PITPNM2: variants seen among roughly 807,000 people sequenced by gnomAD.
PITPNM2 encodes the protein phosphatidylinositol transfer protein membrane associated 2.
In PITPNM2, 35 loss-of-function variants were observed where a neutral mutation model predicts 132.2. The observed-to-expected ratio is 0.26, with a 90% CI of 0.20 to 0.35. PITPNM2 has a LOEUF of 0.35. Ranked by LOEUF, PITPNM2 falls within the 10% of genes least tolerant of loss-of-function variation. PITPNM2 has a pLI of 1.00. For synonymous variants in PITPNM2, 738 were observed against 799.2 expected, an observed-to-expected ratio of 0.92 and a Z score of 1.29; for missense variants, 1,332 against 1,912.0, an observed-to-expected ratio of 0.70 and a Z score of 5.66.
At chr12:122,996,978 G>A (rs1212237874) in intron 11 of PITPNM2, 68 bp from the exon 12 acceptor site, 1 of 1,389,192 alleles carries the variant, frequency 7.2e-7, no homozygotes, top group Non-Finnish European at 9.7e-7. Context: ...CCTCTCCCCT[G>A]ACCTGAGTCT....
At chr12:123,019,506 C>G (rs1233737921) in intron 3 of PITPNM2, among the ~76,000 whole-genome samples, 1 of 152,382 alleles carries the variant, frequency 6.6e-6, no homozygotes, top group Middle Eastern at 3.4e-3. Flanking sequence ...TGCCACTCAG[C>G]CATCTCCCTG....
chr12:122,995,671 C>A lies in PITPNM2; in HGVS notation c.1783-11G>T. 6.4e-7 allele frequency: 1 copy of A among 1,574,668 alleles called. No homozygotes were observed. The highest frequency in any genetic ancestry group is 8.6e-7 in the Non-Finnish European group (1 of 1,163,558). ...CAGCAGGTCATTGTCCTGGAACGGC[C>A]CCGTGGAGGCTCACTGCCAGGTGGC... On this transcript the variant is annotated splice_polypyrimidine_tract_variant and intron_variant, in intron 13 of 25. Transcript: ENST00000320201.
At chr12:123,027,525 T>C (rs1261117441) in intron 3 of PITPNM2, among the ~76,000 whole-genome samples, 6 of 152,208 alleles carry the variant, frequency 3.9e-5, no homozygotes, top group African/African-American at 1.4e-4. Flanking sequence ...TTCCTTGATA[T>C]CTCTGAGCCT....
In PITPNM2 at chr12:123,077,732, C is replaced by A. The variant is rs988414418; in HGVS notation, c.-96+32653G>T. The stretch of plus-strand genomic sequence containing the variant: ...AAGCAGCCCGCGTGACCAGACAGAG[C>A]CTTCCTTGCTAATAAACCCATCCTG... On this transcript the variant is annotated intron_variant, in intron 2 of 25. Coordinates refer to ENST00000320201, the MANE Select transcript of PITPNM2 (RefSeq NM_020845.3). This position sits in a 1 kb window ranked among gnomAD's most constrained non-coding sequence, Gnocchi z 4.8. Among the ~76,000 whole-genome samples the A allele has an allele frequency of 2.0e-5, 3 of 152,198 alleles. No individual in the cohort carries two copies. Among genetic ancestry groups the A allele is most frequent in the African/African-American group, 4.8e-5 (2 of 41,450 alleles).
chr12:123,139,284 A>G (rs1203326704), intron 1 of PITPNM2, among the ~76,000 whole-genome samples: 1 of 152,110 alleles, frequency 6.6e-6, no homozygotes, highest in Non-Finnish European at 1.5e-5. Flanking sequence ...GCGGATCACA[A>G]GGTCAGGAGA....
intron 2 of PITPNM2, among the ~76,000 whole-genome samples, chr12:123,045,845 C>T (rs2136587654): frequency 6.6e-6 from 1 of 152,280 alleles, no homozygotes; most frequent in Admixed American, 6.5e-5. Context: ...TCCTTAAGCC[C>T]ACCCTACTCA....
chr12:123,066,281 C>T (rs992003740), intron 2 of PITPNM2, among the ~76,000 whole-genome samples: 1 of 152,020 alleles, frequency 6.6e-6, no homozygotes, highest in African/African-American at 2.4e-5. Flanking sequence ...GAGGGCCTGA[C>T]GAGGGGTAGA....
chr12:123,108,250 C>T lies in PITPNM2; in HGVS notation c.-96+2135G>A, dbSNP rs2042761927. On this transcript the variant is annotated intron_variant, in intron 2 of 25. Transcript: ENST00000320201. This position sits in a 1 kb window ranked among gnomAD's most constrained non-coding sequence, Gnocchi z 4.4. ...ACAAATGAGTGGAGCAGAACAATTCCTGAAGACATTTTAGGTCTAAGTGAA... is the reference window on the plus strand; with the variant it reads ...ACAAATGAGTGGAGCAGAACAATTCTTGAAGACATTTTAGGTCTAAGTGAA... Among the ~76,000 whole-genome samples, 1 of 152,150 alleles carries T rather than the reference C, an allele frequency of 6.6e-6. No individual in the cohort carries two copies. The highest frequency in any genetic ancestry group is 2.4e-5 in the African/African-American group (1 of 41,420).
At chr12:123,134,824 G>A (rs2043341640) in intron 1 of PITPNM2, among the ~76,000 whole-genome samples, 1 of 152,136 alleles carries the variant, frequency 6.6e-6, no homozygotes, top group South Asian at 2.1e-4. Context: ...ATGGGACCTT[G>A]AGGAAATAAG....
chr12:123,147,958 A>C (rs1356099850), intron 1 of PITPNM2, among the ~76,000 whole-genome samples: 6 of 152,346 alleles, frequency 3.9e-5, no homozygotes, highest in Admixed American at 2.6e-4. Context: ...CAAAGGAGAA[A>C]GCAACCTAGT....
chr12:123,104,935 T>C (rs2042667577), intron 2 of PITPNM2, among the ~76,000 whole-genome samples: 1 of 152,126 alleles, frequency 6.6e-6, no homozygotes, highest in African/African-American at 2.4e-5. Context: ...TGCTCAAACA[T>C]TTCCGAAGCT....
At chr12:123,028,073 C>T (rs533162975) in intron 3 of PITPNM2, among the ~76,000 whole-genome samples, 4 of 152,322 alleles carry the variant, frequency 2.6e-5, no homozygotes, top group East Asian at 1.9e-4. Context: ...CAGGGGCTAA[C>T]GAAGGAGTTG....
chr12:123,100,558 G>A (rs1183658034), intron 2 of PITPNM2, among the ~76,000 whole-genome samples: 1 of 152,026 alleles, frequency 6.6e-6, no homozygotes, highest in Non-Finnish European at 1.5e-5. Context: ...CCTGGTAGGC[G>A]GAAGTTGTAG....
At chr12:123,050,356 C>T (rs1431280478) in intron 2 of PITPNM2, among the ~76,000 whole-genome samples, 1 of 152,172 alleles carries the variant, frequency 6.6e-6, no homozygotes, top group Non-Finnish European at 1.5e-5. Flanking sequence ...AAACTCAATG[C>T]TCAGAAGCAG....
At position 122,986,620 on chromosome 12, in the gene PITPNM2, C is replaced by T. The variant is rs779902843; in HGVS notation, c.3597+26G>A. 13 of 1,607,334 alleles carry T rather than the reference C, an allele frequency of 8.1e-6. No individual in the cohort carries two copies. In the South Asian group the frequency reaches 1.3e-4, roughly 16 times the overall value. ...CATGGTCCCTCTGCCCCCACCCCTG[C>T]CCTGCCCCATCCTCCCGGGCCCCAC... On this transcript the variant is annotated intron_variant, in intron 24 of 25. Transcript: ENST00000320201.
chr12:122,988,652 G>A (rs144953467), intron 19 of PITPNM2, 72 bp downstream of exon 19: 37 of 1,451,956 alleles, frequency 2.5e-5, no homozygotes, highest in African/African-American at 9.9e-5. Context: ...CTGTCCCCTC[G>A]TCTGTGAAAT....
rs975448092 is a variant in PITPNM2, at chr12:123,000,770, G to A, written c.1224+8C>T. The A allele has an allele frequency of 5.6e-6, 9 of 1,613,624 alleles. No homozygotes were observed. The highest frequency in any genetic ancestry group is 2.7e-5 in the African/African-American group (2 of 74,920). On this transcript the variant is annotated splice_region_variant and intron_variant, in intron 10 of 25. Coordinates refer to ENST00000320201, the MANE Select transcript of PITPNM2 (RefSeq NM_020845.3). The surrounding 1 kb of genome is among the most constrained non-coding windows in gnomAD (Gnocchi z 5.4). Reference sequence around the variant, plus strand: ...ATGCCCCTGTCCCTCTGACACCCGGGCACCCACCTCTATGATGTTCAGCTG... The same window carrying A: ...ATGCCCCTGTCCCTCTGACACCCGGACACCCACCTCTATGATGTTCAGCTG...
chr12:123,011,764 A>G (rs2039214225), intron 5 of PITPNM2, among the ~76,000 whole-genome samples: 1 of 152,138 alleles, frequency 6.6e-6, no homozygotes, highest in Non-Finnish European at 1.5e-5. Flanking sequence ...CGGCAAGCAG[A>G]CACTGAAGGG....
At chr12:123,045,017 G>C (rs540960364) in intron 2 of PITPNM2, among the ~76,000 whole-genome samples, 1 of 152,236 alleles carries the variant, frequency 6.6e-6, no homozygotes, top group South Asian at 2.1e-4. Flanking sequence ...CAATCCACTA[G>C]CTGCTGTTGC....
Sources: gnomAD v4.1 joint callset for allele counts (sites outside exome capture counted in the v4.1 genomes callset) on GRCh38, gnomAD v4.1.1 for gene constraint, Gnocchi (gnomAD v3.1) non-coding constraint, MANE v1.5 for transcripts, NCBI Gene and HGNC (gene_info 2026-07-23, HGNC 2026-07-21) for gene names.